GALNTL6: variants seen among roughly 807,000 people sequenced by gnomAD.
GALNTL6 encodes the protein polypeptide N-acetylgalactosaminyltransferase-like 6.
GALNTL6 carries 46 observed loss-of-function variants against 73.7 expected under a neutral mutation model. The observed-to-expected ratio is 0.62, with a 90% CI of 0.49 to 0.80. The LOEUF (loss-of-function observed/expected upper bound fraction) is 0.80, where lower values mean the gene tolerates loss of function less well. Ranked by LOEUF, GALNTL6 falls within the 30% of genes least tolerant of loss-of-function variation. The pLI, the probability that GALNTL6 is intolerant of heterozygous loss-of-function variation, is 0.00. For missense variants in GALNTL6, 604 were observed against 755.0 expected (o/e 0.80, Z 2.34); for synonymous variants, 259 against 263.7 (o/e 0.98, Z 0.17).
intron 2 of GALNTL6, among the ~76,000 whole-genome samples, chr4:171,897,206 G>T (rs548817924): frequency 9.2e-5 from 14 of 152,260 alleles, no homozygotes; most frequent in African/African-American, 3.4e-4. Flanking sequence ...CTTGTCAGGG[G>T]TGACAAGTTA....
chr4:172,926,681 T>C (rs996193277), intron 8 of GALNTL6, among the ~76,000 whole-genome samples: 2 of 152,230 alleles, frequency 1.3e-5, no homozygotes, highest in African/African-American at 4.8e-5. Context: ...CAGCTGCAGA[T>C]GATAAGAAAG....
At position 172,311,636 on chromosome 4, in the gene GALNTL6, T is replaced by G; in HGVS notation, c.270T>G (p.Pro90=). ...TAGGGAAAGGTGAACATGGGAAACC[T>G]TACCCCCTTACTGAAGAGGACCATG... ...MRSGKGEHGK[P]YPLTEEDHDD... Residue 90 remains proline (P), a synonymous_variant, in exon 4 of 13, where the codon CCT becomes CCG. Coordinates refer to ENST00000506823, the MANE Select transcript of GALNTL6 (RefSeq NM_001034845.3). 1 of 1,609,150 alleles carries G rather than the reference T, an allele frequency of 6.2e-7. No individual in the cohort carries two copies. Among genetic ancestry groups the G allele is most frequent in the African/African-American group, 1.3e-5 (1 of 74,800 alleles).
chr4:172,178,477 T>A (rs1415140393), intron 2 of GALNTL6, among the ~76,000 whole-genome samples: 4 of 151,894 alleles, frequency 2.6e-5, no homozygotes, highest in Non-Finnish European at 4.4e-5. Flanking sequence ...TGTGCATGTG[T>A]TCTCATTGTT....
intron 9 of GALNTL6, among the ~76,000 whole-genome samples, chr4:172,943,328 AG>A (rs1241078387): frequency 6.6e-6 from 1 of 152,148 alleles, no homozygotes; most frequent in Non-Finnish European, 1.5e-5. Flanking sequence ...AAGATCTTCC[AG>A]CCCCGTCAAA....
At chr4:172,220,392 A>G (rs981969721) in intron 2 of GALNTL6, among the ~76,000 whole-genome samples, 1 of 151,764 alleles carries the variant, frequency 6.6e-6, no homozygotes, top group African/African-American at 2.4e-5. Context: ...CAGGCATTCA[A>G]TAAATACATG....
chr4:172,732,227 G>T (rs554621678), intron 5 of GALNTL6, among the ~76,000 whole-genome samples: 2 of 152,120 alleles, frequency 1.3e-5, no homozygotes, highest in African/African-American at 2.4e-5. Context: ...TCTGTATTGG[G>T]TACATAAATA....
chr4:172,278,308 T>A (rs1910459), intron 3 of GALNTL6, among the ~76,000 whole-genome samples: 70,445 of 152,010 alleles, frequency 0.46, 16,769 homozygotes, highest in African/African-American at 0.58. Context: ...CTTTTGTTTT[T>A]CATTTGTGTA....
intron 2 of GALNTL6, among the ~76,000 whole-genome samples, chr4:171,998,828 A>G (rs1007541607): frequency 2.6e-5 from 4 of 152,114 alleles, no homozygotes; most frequent in Admixed American, 2.6e-4. Flanking sequence ...AACTGAAATA[A>G]TGGTTGTTAG....
intron 5 of GALNTL6, among the ~76,000 whole-genome samples, chr4:172,637,024 A>G (rs1739726374): frequency 1.3e-5 from 2 of 152,160 alleles, no homozygotes; most frequent in African/African-American, 4.8e-5. Context: ...ATTTCCAAAC[A>G]ATCATTAGTT....
At chr4:172,788,793 G>A (rs537105354) in intron 5 of GALNTL6, among the ~76,000 whole-genome samples, 37 of 152,184 alleles carry the variant, frequency 2.4e-4, no homozygotes, top group Non-Finnish European at 1.2e-4. Context: ...CCAACAAGAG[G>A]TGGTGTTCAG....
chr4:172,387,586 G>A (rs1561059835), intron 5 of GALNTL6, among the ~76,000 whole-genome samples: 1 of 151,954 alleles, frequency 6.6e-6, no homozygotes, highest in Non-Finnish European at 1.5e-5. Flanking sequence ...CTTTGCCTTT[G>A]ACAGTTTGTA....
intron 4 of GALNTL6, among the ~76,000 whole-genome samples, chr4:172,334,906 T>A (rs1045659879): frequency 2.0e-5 from 3 of 152,130 alleles, no homozygotes; most frequent in African/African-American, 7.2e-5. Context: ...ATGCCTAGTT[T>A]GTTGAAGGTT....
intron 5 of GALNTL6, among the ~76,000 whole-genome samples, chr4:172,638,156 A>G (rs1377919505): frequency 2.0e-5 from 3 of 152,116 alleles, no homozygotes; most frequent in Admixed American, 2.0e-4. Flanking sequence ...CACACAAATC[A>G]CATCACAAAA....
chr4:172,516,774 A>T (rs1273953083), intron 5 of GALNTL6, among the ~76,000 whole-genome samples: 1 of 152,210 alleles, frequency 6.6e-6, no homozygotes, highest in East Asian at 1.9e-4. Flanking sequence ...AAGAGGGGGA[A>T]GCAATCCAAG....
chr4:172,005,566 C>G (rs998275809), intron 2 of GALNTL6, among the ~76,000 whole-genome samples: 2 of 152,146 alleles, frequency 1.3e-5, no homozygotes, highest in African/African-American at 2.4e-5. Context: ...AGTATATCCC[C>G]TCTCCCATCC....
intron 8 of GALNTL6, among the ~76,000 whole-genome samples, chr4:172,907,846 CA>C (rs1746985114): frequency 6.6e-6 from 1 of 152,214 alleles, no homozygotes; most frequent in Non-Finnish European, 1.5e-5. Context: ...CTTAGCACCT[CA>C]GCATATGACT....
chr4:172,523,092 C>T (rs1184170035), intron 5 of GALNTL6, among the ~76,000 whole-genome samples: 1 of 152,132 alleles, frequency 6.6e-6, no homozygotes, highest in African/African-American at 2.4e-5. Flanking sequence ...GTTGGATTTG[C>T]ATAAATAGAA....
At chr4:172,213,725 TA>T (rs1263016829) in intron 2 of GALNTL6, among the ~76,000 whole-genome samples, 1 of 152,152 alleles carries the variant, frequency 6.6e-6, no homozygotes, top group Non-Finnish European at 1.5e-5. Context: ...TTCCATTTTT[TA>T]AAATGGAATT....
At chr4:172,010,734 A>G (rs1015914865) in intron 2 of GALNTL6, among the ~76,000 whole-genome samples, 2 of 152,078 alleles carry the variant, frequency 1.3e-5, no homozygotes, top group Non-Finnish European at 2.9e-5. Flanking sequence ...GGAAAACACT[A>G]TCAGTGTCTT....
Sources: allele counts gnomAD v4.1 joint callset (sites outside exome capture counted in the v4.1 genomes callset), GRCh38; gene constraint gnomAD v4.1.1; transcripts MANE v1.5; gene names NCBI Gene and HGNC (gene_info 2026-07-23, HGNC 2026-07-21).